Variants in PDE4D observed in about 807,000 individuals in gnomAD.
PDE4D encodes 3',5'-cyclic-AMP phosphodiesterase 4D.
A neutral mutation model predicts 87.4 loss-of-function variants in PDE4D; 24 were observed. The ratio of observed to expected loss-of-function variants is 0.27; its 90% confidence interval spans 0.20 to 0.39. The LOEUF is 0.39. PDE4D is among the 10% of genes least tolerant of loss of function. The pLI, the probability that PDE4D is intolerant of heterozygous loss-of-function variation, is 1.00. For synonymous variants in PDE4D, 384 were observed against 383.2 expected (o/e 1.00, Z -0.02); for missense variants, 714 against 1,041.0 (o/e 0.69, Z 4.32).
intron 5 of PDE4D, among the ~76,000 whole-genome samples, chr5:59,052,360 T>A (rs1268658277): frequency 6.6e-6 from 1 of 152,114 alleles, no homozygotes; most frequent in Non-Finnish European, 1.5e-5. Flanking sequence ...GTTGTATGTG[T>A]GGACAGTAAA....
At chr5:59,130,578 C>T (rs1776124012) in intron 5 of PDE4D, among the ~76,000 whole-genome samples, 1 of 152,160 alleles carries the variant, frequency 6.6e-6, no homozygotes, top group Non-Finnish European at 1.5e-5. Flanking sequence ...TTTAAGTTGG[C>T]TAACCCAAAT....
At chr5:60,277,903 A>G (rs1719490224) in intron 1 of PDE4D, among the ~76,000 whole-genome samples, 1 of 152,152 alleles carries the variant, frequency 6.6e-6, no homozygotes, top group Admixed American at 6.5e-5. Flanking sequence ...TATTTTCTCT[A>G]CATACACTTA....
chr5:60,086,458 G>GA (rs1774544234), intron 2 of PDE4D, among the ~76,000 whole-genome samples: 1 of 152,112 alleles, frequency 6.6e-6, no homozygotes. Context: ...AAACTCATAA[G>GA]AACATTTTAT....
intron 1 of PDE4D, among the ~76,000 whole-genome samples, chr5:59,803,979 C>T (rs1581184227): frequency 6.6e-6 from 1 of 152,226 alleles, no homozygotes; most frequent in South Asian, 2.1e-4. Context: ...ATATTTTAGA[C>T]TTCTGGAATG....
intron 1 of PDE4D, among the ~76,000 whole-genome samples, chr5:59,303,059 AT>A (rs1192899522): frequency 6.6e-6 from 1 of 152,002 alleles, no homozygotes; most frequent in Non-Finnish European, 1.5e-5. Flanking sequence ...GTTTTTTAAA[AT>A]TTTTTTATTA....
At chr5:59,758,681 AT>A (rs1370996536) in intron 1 of PDE4D, among the ~76,000 whole-genome samples, 1 of 152,160 alleles carries the variant, frequency 6.6e-6, no homozygotes, top group Non-Finnish European at 1.5e-5. Context: ...CCTAACGTGA[AT>A]ACCACCAATA....
intron 2 of PDE4D, among the ~76,000 whole-genome samples, chr5:60,066,721 C>A (rs1331734329): frequency 6.6e-6 from 1 of 152,046 alleles, no homozygotes; most frequent in Admixed American, 6.6e-5. Context: ...AAGCATTACC[C>A]TGGCTTAGTC....
At chr5:60,498,613 C>A (rs775682679) in intron 1 of PDE4D, among the ~76,000 whole-genome samples, 1 of 152,216 alleles carries the variant, frequency 6.6e-6, no homozygotes, top group South Asian at 2.1e-4. Flanking sequence ...AGGCTGCCCT[C>A]TTGTTCCTGT....
At chr5:59,345,120 A>G (rs941427979) in intron 1 of PDE4D, among the ~76,000 whole-genome samples, 2 of 152,186 alleles carry the variant, frequency 1.3e-5, no homozygotes, top group Non-Finnish European at 2.9e-5. Flanking sequence ...AAATAAAGGG[A>G]AAAAAACCTT....
intron 1 of PDE4D, among the ~76,000 whole-genome samples, chr5:60,354,840 C>T (rs1396806923): frequency 6.6e-6 from 1 of 152,098 alleles, no homozygotes; most frequent in African/African-American, 2.4e-5. Context: ...AATTAATACG[C>T]TTGATAATAA....
intron 11 of PDE4D, among the ~76,000 whole-genome samples, chr5:58,978,125 C>T (rs1199753808): frequency 6.6e-6 from 1 of 152,176 alleles, no homozygotes; most frequent in Admixed American, 6.6e-5. Flanking sequence ...CATTAAAAAA[C>T]TTTTGATGCT....
chr5:59,373,413 G>T (rs1784246165), intron 1 of PDE4D, among the ~76,000 whole-genome samples: 1 of 152,134 alleles, frequency 6.6e-6, no homozygotes, highest in South Asian at 2.1e-4. Context: ...AGCCTAAGTG[G>T]AGGAAAAAAT....
intron 1 of PDE4D, among the ~76,000 whole-genome samples, chr5:60,471,164 G>A (rs1379463560): frequency 6.6e-6 from 1 of 152,150 alleles, no homozygotes; most frequent in Non-Finnish European, 1.5e-5. Context: ...GCTTTGAGTG[G>A]TTCAAGATTT....
intron 1 of PDE4D, among the ~76,000 whole-genome samples, chr5:59,354,745 C>T: frequency 6.6e-6 from 1 of 152,152 alleles, no homozygotes; most frequent in Non-Finnish European, 1.5e-5. Flanking sequence ...ATGATCATAT[C>T]AAGTTGGCTA....
At chr5:60,413,350 G>A (rs1416203317) in intron 1 of PDE4D, among the ~76,000 whole-genome samples, 1 of 152,142 alleles carries the variant, frequency 6.6e-6, no homozygotes, top group Non-Finnish European at 1.5e-5. Flanking sequence ...CCAATCTGAA[G>A]GAGAAGCATC....
intron 2 of PDE4D, among the ~76,000 whole-genome samples, chr5:59,213,738 A>T (rs1263255804): frequency 3.3e-5 from 5 of 151,926 alleles, no homozygotes; most frequent in South Asian, 4.2e-4. Context: ...GCACCACTCA[A>T]CTGTCATTCA....
At chr5:60,412,010 A>T (rs1188784238) in intron 1 of PDE4D, among the ~76,000 whole-genome samples, 1 of 152,150 alleles carries the variant, frequency 6.6e-6, no homozygotes, top group African/African-American at 2.4e-5. Flanking sequence ...AAAACAGTAC[A>T]ATTCTTAGAG....
chr5:59,593,252 A>T (rs376271598), intron 1 of PDE4D, among the ~76,000 whole-genome samples: 3 of 151,964 alleles, frequency 2.0e-5, no homozygotes, highest in Non-Finnish European at 4.4e-5. Flanking sequence ...GTAATAAAAT[A>T]AAGCCCAACT....
At chr5:59,922,637 C>T (rs187369580) in intron 3 of PDE4D, among the ~76,000 whole-genome samples, 132 of 152,260 alleles carry the variant, frequency 8.7e-4, no homozygotes, top group African/African-American at 3.0e-3. Context: ...GGGAAGGAAG[C>T]AGTCCTGGCA....
Sources: gnomAD v4.1 joint callset for allele counts (sites outside exome capture counted in the v4.1 genomes callset) on GRCh38, gnomAD v4.1.1 for gene constraint, MANE v1.5 for transcripts, NCBI Gene and HGNC (gene_info 2026-07-23, HGNC 2026-07-21) for gene names.